TRPC7: variants seen among roughly 807,000 people sequenced by gnomAD.
TRPC7 encodes the protein short transient receptor potential channel 7.
A neutral mutation model predicts 90.1 loss-of-function variants in TRPC7; 42 were observed. The ratio of observed to expected loss-of-function variants is 0.47; its 90% CI spans 0.36 to 0.60. TRPC7 has a LOEUF of 0.60. TRPC7 is among the 20% of genes least tolerant of loss of function. The pLI is 0.00. For synonymous variants in TRPC7, 451 were observed against 436.3 expected (o/e 1.03, Z -0.42); for missense variants, 955 against 1,112.3 (o/e 0.86, Z 2.01).
chr5:136,222,227 G>A (rs555476718), intron 10 of TRPC7: 18 of 152,056 alleles, frequency 1.2e-4, no homozygotes, highest in African/African-American at 4.3e-4. Flanking sequence ...CCTCACAAAA[G>A]CAGAAGGATT....
chr5:136,335,623 G>T (rs1759629425), intron 2 of TRPC7, among the ~76,000 whole-genome samples: 1 of 151,784 alleles, frequency 6.6e-6, no homozygotes, highest in African/African-American at 2.4e-5. Context: ...GCTACGAGAG[G>T]CCAGGCGCGG....
intron 5 of TRPC7, among the ~76,000 whole-genome samples, chr5:136,252,979 T>G (rs1756572067): frequency 6.6e-6 from 1 of 152,212 alleles, no homozygotes; most frequent in South Asian, 2.1e-4. Flanking sequence ...TCCAATACCA[T>G]AGCCACCAAT....
intron 8 of TRPC7, among the ~76,000 whole-genome samples, chr5:136,229,737 T>C (rs1755757092): frequency 6.6e-6 from 1 of 152,198 alleles, no homozygotes; most frequent in Admixed American, 6.5e-5. Flanking sequence ...AGGAAAGCCC[T>C]AGCAAGTTAA....
intron 7 of TRPC7, among the ~76,000 whole-genome samples, chr5:136,241,000 G>T (rs11959071): frequency 0.45 from 67,883 of 151,748 alleles, 15,217 homozygotes; most frequent in East Asian, 0.54. Context: ...CGTGGCAGGT[G>T]GGGGTGTGTG....
rs1370888018 is a variant in TRPC7, at chr5:136,336,182, AGGC to A, written c.781-20406_781-20404del. Reference sequence around the variant, plus strand: ...TCTGAGAAGCTTTCTCTCACGTTGCAGGCAGTTCATTGCTGTCTCCTCTGTGTT... The same window carrying A: ...TCTGAGAAGCTTTCTCTCACGTTGCAAGTTCATTGCTGTCTCCTCTGTGTT... On this transcript the variant is annotated intron_variant, in intron 2 of 11. Transcript: ENST00000513104. Among the ~76,000 whole-genome samples the A allele has an allele frequency of 3.9e-5, 6 of 152,176 alleles. No individual in the cohort carries two copies. In the East Asian group the frequency reaches 1.2e-3, roughly 29 times the overall value.
intron 5 of TRPC7, among the ~76,000 whole-genome samples, chr5:136,262,277 A>G (rs951479903): frequency 2.0e-5 from 3 of 152,124 alleles, no homozygotes; most frequent in Admixed American, 6.5e-5. Context: ...GCCTCCTCTG[A>G]CTTCATCTCT....
At chr5:136,309,540 T>C (rs921821036) in intron 3 of TRPC7, among the ~76,000 whole-genome samples, 3 of 152,214 alleles carry the variant, frequency 2.0e-5, no homozygotes, top group African/African-American at 7.2e-5. Flanking sequence ...GCCGGGATTA[T>C]GCTTTCTGGT....
intron 5 of TRPC7, among the ~76,000 whole-genome samples, chr5:136,255,350 C>T (rs539098393): frequency 6.6e-6 from 1 of 152,194 alleles, no homozygotes; most frequent in Non-Finnish European, 1.5e-5. Flanking sequence ...CTTTAACCTT[C>T]AACAACTACC....
At chr5:136,215,292 A>C (rs1185199608) in intron 11 of TRPC7, among the ~76,000 whole-genome samples, 1 of 152,210 alleles carries the variant, frequency 6.6e-6, no homozygotes, top group East Asian at 1.9e-4. Context: ...CCTGCACTCA[A>C]GAGGCATGAG....
intron 2 of TRPC7, among the ~76,000 whole-genome samples, chr5:136,316,284 C>T (rs1414648118): frequency 1.3e-5 from 2 of 152,020 alleles, no homozygotes; most frequent in African/African-American, 2.4e-5. Flanking sequence ...GCTCATTTAC[C>T]ACTGATCTAT....
At chr5:136,292,078 G>T (rs994401535) in intron 3 of TRPC7, among the ~76,000 whole-genome samples, 34 of 152,104 alleles carry the variant, frequency 2.2e-4, no homozygotes, top group South Asian at 1.2e-3. Context: ...GAAATAAAGA[G>T]GTTCTTTGAA....
In TRPC7 at chr5:136,287,999, A is replaced by G. The variant is rs578130234; in HGVS notation, c.964-13162T>C. Among the ~76,000 whole-genome samples, 31 of 152,312 alleles carry G rather than the reference A, an allele frequency of 2.0e-4. No homozygotes were observed. In the Middle Eastern group the frequency reaches 0.014, roughly 67 times the overall value. The stretch of plus-strand genomic sequence containing the variant: ...TAGTTCAGAAAAATTTTTAAATGCT[A>G]AGAGCCAACATTTATTGGATATGAT... On this transcript the variant is annotated intron_variant, in intron 3 of 11. Transcript: ENST00000513104.
At chr5:136,348,384 G>A (rs1291252852) in intron 2 of TRPC7, among the ~76,000 whole-genome samples, 1 of 152,160 alleles carries the variant, frequency 6.6e-6, no homozygotes, top group Non-Finnish European at 1.5e-5. Context: ...TCCACACTCA[G>A]AGCCCTCTTT....
rs774016418 is a variant in TRPC7, at chr5:136,274,834, C to T, written c.967G>A (p.Val323Ile). The T allele has an allele frequency of 2.2e-5, 35 of 1,559,598 alleles. No homozygotes were observed. The highest frequency in any genetic ancestry group is 6.8e-5 in the African/African-American group (5 of 73,242). ...TGCTGCTGACAGTTAGGATGAGCAA[C>T]GAACTGTAAAAACAAAACAAAAACA... Reference protein sequence around the residue: ...LAIKYEVKKFVAHPNCQQQLL... With the variant: ...LAIKYEVKKFIAHPNCQQQLL... Residue 323 changes from valine to isoleucine, a missense_variant, in exon 4 of 12, where the codon GTT (valine) becomes ATT (isoleucine). Val to Ile is a conservative substitution (Grantham distance 29, BLOSUM62 3). Around this residue, in one of 4 missense-constraint regions of TRPC7, gnomAD observed 484 missense variants for 509.6 expected, o/e 0.95. Coordinates refer to ENST00000513104, the MANE Select transcript of TRPC7 (RefSeq NM_020389.3).
chr5:136,267,526 G>C lies in TRPC7; in HGVS notation c.1129-1090C>G, dbSNP rs184683246. Among the ~76,000 whole-genome samples the C allele has an allele frequency of 1.2e-3, 189 of 152,300 alleles. 1 individual carries two copies. The highest frequency in any genetic ancestry group is 4.4e-3 in the African/African-American group (181 of 41,568). Reference sequence around the variant, plus strand: ...AGAGTGAAATGTTACCCAGGAGATAGACTGTTGGTTCAACAGAAGATCAAT... The same window carrying C: ...AGAGTGAAATGTTACCCAGGAGATACACTGTTGGTTCAACAGAAGATCAAT... On this transcript the variant is annotated intron_variant, in intron 4 of 11. Transcript: ENST00000513104.
chr5:136,282,251 C>T (rs1338600684), intron 3 of TRPC7, among the ~76,000 whole-genome samples: 1 of 152,072 alleles, frequency 6.6e-6, no homozygotes, highest in East Asian at 1.9e-4. Context: ...CAAAGAGATT[C>T]CCTCATATTA....
intron 8 of TRPC7, among the ~76,000 whole-genome samples, chr5:136,229,836 A>G (rs1755760700): frequency 6.6e-6 from 1 of 152,192 alleles, no homozygotes; most frequent in African/African-American, 2.4e-5. Flanking sequence ...AGGAAATGTG[A>G]AAGTCCCATT....
At chr5:136,349,193 G>A (rs1760108384) in intron 2 of TRPC7, among the ~76,000 whole-genome samples, 1 of 152,082 alleles carries the variant, frequency 6.6e-6, no homozygotes, top group African/African-American at 2.4e-5. Flanking sequence ...ACAGTAATAT[G>A]TTAGCAGCAC....
At position 136,247,215 on chromosome 5, in the gene TRPC7, C is replaced by T. The variant is rs1270964098; in HGVS notation, c.1844+256G>A. On this transcript the variant is annotated intron_variant, in intron 7 of 11. Transcript: ENST00000513104. This position sits in a 1 kb window ranked among gnomAD's most constrained non-coding sequence, Gnocchi z 4.2. ...TCAAATCCTAGAAAACGTAGCATTC[C>T]TACATGTGATTTTTTTTTTTCTAAA... 2.9e-5 allele frequency among the ~76,000 whole-genome samples: 4 copies of T among 137,292 alleles called. No individual in the cohort carries two copies. The highest frequency in any genetic ancestry group is 6.2e-5 in the Non-Finnish European group (4 of 64,098). 90.1% of individuals were successfully genotyped at this position (137,292 alleles called of 152,430 possible).
Sources: allele counts gnomAD v4.1 joint callset (sites outside exome capture counted in the v4.1 genomes callset), GRCh38; gene constraint gnomAD v4.1.1; regional missense constraint gnomAD v4.1.1; non-coding constraint Gnocchi (gnomAD v3.1); transcripts MANE v1.5; gene names NCBI Gene and HGNC (gene_info 2026-07-23, HGNC 2026-07-21).